The following GDAP2 variants were observed in gnomAD, a reference collection of about 807,000 sequenced individuals.
GDAP2 encodes the protein ganglioside induced differentiation associated protein 2, also known as ganglioside-induced differentiation-associated protein 2.
Under a neutral mutation model 67.0 loss-of-function variants are expected in GDAP2, and 51 were observed. The ratio of observed to expected loss-of-function variants is 0.76; its 90% CI spans 0.61 to 0.96. The LOEUF is 0.96. Among genes scored for constraint, GDAP2 ranks in the 40% least tolerant of loss-of-function variants. The pLI, the probability that GDAP2 is intolerant of heterozygous loss-of-function variation, is 0.00. For synonymous variants in GDAP2, 203 were observed against 207.3 expected (o/e 0.98, Z 0.18); for missense variants, 547 against 588.3 (o/e 0.93, Z 0.73).
At position 117,870,512 on chromosome 1, in the gene GDAP2, AGCTATTC is replaced by A; in HGVS notation, c.*50_*56del. ...AACAATGAATATCACTTCAACAGGT[AGCTATTC>A]GTGGAGGAAGTGGCATCCTGGGAAC... is the stretch of plus-strand genomic sequence containing the variant. On this transcript the variant is annotated 3_prime_UTR_variant, in exon 14 of 14. Transcript: ENST00000369443. 4 of 1,000,982 alleles carry A rather than the reference AGCTATTC, an allele frequency of 4.0e-6. No individual in the cohort carries two copies. The South Asian group carries it at 5.1e-5, about 13-fold the overall frequency. The allele number at this position is 1,000,982 out of a possible 1,614,324, so 62.0% of individuals were successfully genotyped here.
At position 117,913,681 on chromosome 1, in the gene GDAP2, A is replaced by G. The variant is rs1649942363; in HGVS notation, c.317-998T>C. Among the ~76,000 whole-genome samples, 4 of 152,142 alleles carry G rather than the reference A, an allele frequency of 2.6e-5. No homozygotes were observed. The South Asian group carries it at 8.3e-4, about 31-fold the overall frequency. ...ACTGGGGAAGTTCCCCAATAAAATA[A>G]CAGGCAGGAGTCCCATTCTGTCATA... On this transcript the variant is annotated intron_variant, in intron 3 of 13. Coordinates refer to ENST00000369443, the MANE Select transcript of GDAP2 (RefSeq NM_017686.4).
Position 117,879,486 on chromosome 1 carries a change from TG to T in GDAP2, c.1303-1335del, listed in dbSNP as rs563196377. ...CTAAGAATGATAATGATGATGATGA[TG>T]ATGATGATAATGACAATGATGATGA... On this transcript the variant is annotated intron_variant, in intron 12 of 13. Coordinates refer to ENST00000369443, the MANE Select transcript of GDAP2 (RefSeq NM_017686.4). 7.9e-5 allele frequency among the ~76,000 whole-genome samples: 12 copies of T among 152,280 alleles called. No homozygotes were observed. The South Asian group carries it at 2.1e-3, about 26-fold the overall frequency.
intron 6 of GDAP2, among the ~76,000 whole-genome samples, chr1:117,905,492 C>T (rs147538912): frequency 6.6e-6 from 1 of 152,324 alleles, no homozygotes; most frequent in Non-Finnish European, 1.5e-5. Flanking sequence ...TTATGTATCA[C>T]TTCCTATGGG....
chr1:117,907,958 C>G, intron 5 of GDAP2, among the ~76,000 whole-genome samples: 1 of 152,112 alleles, frequency 6.6e-6, no homozygotes, highest in East Asian at 1.9e-4. Flanking sequence ...GCTCTTTAGT[C>G]CTGTTTTCAA....
chr1:117,879,540 T>C (rs1178876599), intron 12 of GDAP2, among the ~76,000 whole-genome samples: 1 of 152,190 alleles, frequency 6.6e-6, no homozygotes, highest in African/African-American at 2.4e-5. Flanking sequence ...GCACTTATTA[T>C]ACGTCAGGTA....
In GDAP2 at chr1:117,870,034, T is replaced by G. The variant is rs1460104055; in HGVS notation, c.*535A>C. Reference sequence around the variant, plus strand: ...CTATGTTTTGCTAATGATTTTGATGTTTTTTGTCAGATACATTTCCACATT... The same window carrying G: ...CTATGTTTTGCTAATGATTTTGATGGTTTTTGTCAGATACATTTCCACATT... On this transcript the variant is annotated 3_prime_UTR_variant, in exon 14 of 14. Coordinates refer to ENST00000369443, the MANE Select transcript of GDAP2 (RefSeq NM_017686.4). 6.5e-6 allele frequency: 1 copy of G among 152,672 alleles called. No individual in the cohort carries two copies. The highest frequency in any genetic ancestry group is 1.5e-5 in the Non-Finnish European group (1 of 68,424). 9.5% of individuals were successfully genotyped at this position (152,672 alleles called of 1,614,324 possible).
chr1:117,881,820 T>C lies in GDAP2; in HGVS notation c.1302+3A>G, dbSNP rs183701902. 2.6e-3 allele frequency: 3,932 copies of C among 1,497,244 alleles called. 12 individuals carry two copies. The highest frequency in any genetic ancestry group is 3.4e-3 in the Non-Finnish European group (3,670 of 1,073,604). 92.7% of individuals were successfully genotyped at this position (1,497,244 alleles called of 1,614,324 possible). A position where few individuals can be genotyped will look rare whatever the true frequency, so the allele number is the denominator to read the frequency against. Reference sequence around the variant, plus strand: ...GATTTAACCAAAGAGAAAAATACTGTACCTTTGAACGAAATGTGGGATGTA... The same window carrying C: ...GATTTAACCAAAGAGAAAAATACTGCACCTTTGAACGAAATGTGGGATGTA... On this transcript the variant is annotated splice_donor_region_variant and intron_variant, in intron 12 of 13. Transcript: ENST00000369443.
At position 117,906,835 on chromosome 1, in the gene GDAP2, G is replaced by A. The variant is rs192717396; in HGVS notation, c.560-253C>T. 1.2e-3 allele frequency among the ~76,000 whole-genome samples: 183 copies of A among 152,180 alleles called. 2 individuals are homozygous for A. The highest frequency in any genetic ancestry group is 4.2e-3 in the African/African-American group (174 of 41,514). On this transcript the variant is annotated intron_variant, in intron 5 of 13. Coordinates refer to ENST00000369443, the MANE Select transcript of GDAP2 (RefSeq NM_017686.4). The stretch of plus-strand genomic sequence containing the variant: ...TATTGTTATCCTCCCTGCCCTCTCC[G>A]CCTCATTCACTAGAATGAAAGCTCC...
At chr1:117,874,971 T>C (rs1296035523) in intron 13 of GDAP2, among the ~76,000 whole-genome samples, 1 of 152,216 alleles carries the variant, frequency 6.6e-6, no homozygotes, top group Non-Finnish European at 1.5e-5. Flanking sequence ...AGAAGTGGTG[T>C]GGCTGCTTTT....
intron 8 of GDAP2, among the ~76,000 whole-genome samples, chr1:117,895,230 T>G (rs1043949815): frequency 6.6e-6 from 1 of 152,180 alleles, no homozygotes; most frequent in Non-Finnish European, 1.5e-5. Context: ...ATCCCAATTA[T>G]TTTAAAAGGC....
chr1:117,896,158 T>G (rs1326037159), intron 8 of GDAP2, among the ~76,000 whole-genome samples: 1 of 152,214 alleles, frequency 6.6e-6, no homozygotes, highest in East Asian at 1.9e-4. Flanking sequence ...CCTCATTTAA[T>G]GCTCACAAAA....
chr1:117,877,552 TA>T (rs1648506927), intron 13 of GDAP2: 5 of 975,058 alleles, frequency 5.1e-6, no homozygotes, highest in Non-Finnish European at 6.1e-6. Context: ...ATGATGCTCT[TA>T]AAAACATTAT....
chr1:117,865,606 A>AG lies in GDAP2; in HGVS notation c.*4962dup, dbSNP rs1316361551. On this transcript the variant is annotated 3_prime_UTR_variant, in exon 14 of 14. Coordinates refer to ENST00000369443, the MANE Select transcript of GDAP2 (RefSeq NM_017686.4). ...TAACGAAACACATTACAAAAAAAAA[A>AG]GGTATGACTGTGTATATAAAATGTA... 1 of 152,146 alleles carries AG rather than the reference A, an allele frequency of 6.6e-6. No homozygotes were observed. Among genetic ancestry groups the AG allele is most frequent in the African/African-American group, 2.4e-5 (1 of 41,428 alleles). The allele number at this position is 152,146 out of a possible 1,614,324, so 9.4% of individuals were successfully genotyped here.
chr1:117,918,770 GAAAAAGAA>G, intron 2 of GDAP2, 34 bp from the exon 3 acceptor site: 1 of 1,512,060 alleles, frequency 6.6e-7, no homozygotes, highest in Non-Finnish European at 9.0e-7. Context: ...CAAGTGTGGG[GAAAAAGAA>G]GAAAAGAAAC....
At chr1:117,921,474 A>C (rs1204087642) in intron 1 of GDAP2, among the ~76,000 whole-genome samples, 1 of 152,246 alleles carries the variant, frequency 6.6e-6, no homozygotes, top group Admixed American at 6.5e-5. Flanking sequence ...GAGAGCAACC[A>C]CATGAAGCTC....
chr1:117,910,695 T>C (rs1417901340), intron 5 of GDAP2, among the ~76,000 whole-genome samples: 29 of 152,180 alleles, frequency 1.9e-4, no homozygotes, highest in Non-Finnish European at 2.9e-5. Context: ...AAATGAGAAG[T>C]GTTTTCTATA....
chr1:117,912,663 T>C lies in GDAP2; in HGVS notation c.337A>G (p.Lys113Glu). Residue 113 changes from lysine (K) to glutamate (E), a missense_variant, in exon 4 of 14, where the codon AAA becomes GAA. By Grantham distance (56) the Lys-to-Glu change is moderately conservative. Coordinates refer to ENST00000369443, the MANE Select transcript of GDAP2 (RefSeq NM_017686.4). ...GCTAGATTGAATCCTTTTGTCAATT[T>C]TGCTTCACCTGTTCGGCACCCTGAA... ...KLKGCRTGEA[K>E]LTKGFNLAAR... The C allele has an allele frequency of 6.2e-7, 1 of 1,613,602 alleles. No homozygotes were observed. Among genetic ancestry groups the C allele is most frequent in the Non-Finnish European group, 8.5e-7 (1 of 1,179,616 alleles).
At position 117,867,505 on chromosome 1, in the gene GDAP2, A is replaced by G. The variant is rs1648109330; in HGVS notation, c.*3064T>C. 1 of 147,862 alleles carries G rather than the reference A, an allele frequency of 6.8e-6. No individual in the cohort carries two copies. Among genetic ancestry groups the G allele is most frequent in the Non-Finnish European group, 1.5e-5 (1 of 68,302 alleles). The allele number at this position is 147,862 out of a possible 1,614,324, so 9.2% of individuals were successfully genotyped here. On this transcript the variant is annotated 3_prime_UTR_variant, in exon 14 of 14. Transcript: ENST00000369443. The stretch of plus-strand genomic sequence containing the variant: ...GGAGTTTGAGACCAGTCTGGCCAAC[A>G]TGGTGAAACCCTGTCTCTACTGAAA...
At chr1:117,902,073 A>T (rs1649489539) in intron 6 of GDAP2, among the ~76,000 whole-genome samples, 1 of 152,014 alleles carries the variant, frequency 6.6e-6, no homozygotes, top group Admixed American at 6.6e-5. Context: ...CCTGACTGAA[A>T]CCTACTGTTC....
Sources: allele counts gnomAD v4.1 joint callset (sites outside exome capture counted in the v4.1 genomes callset), GRCh38; gene constraint gnomAD v4.1.1; transcripts MANE v1.5; gene names NCBI Gene and HGNC (gene_info 2026-07-23, HGNC 2026-07-21).